ELFN2: variants seen among roughly 807,000 people sequenced by gnomAD.
ELFN2 encodes the protein extracellular leucine rich repeat and fibronectin type III domain containing 2.
ELFN2 carries 17 observed loss-of-function variants against 45.5 expected under a neutral mutation model. That is an observed-to-expected ratio of 0.37 (90% confidence interval 0.26 to 0.56). The LOEUF (loss-of-function observed/expected upper bound fraction) is 0.56, where lower values mean the gene tolerates loss of function less well. Ranked by LOEUF, ELFN2 falls within the 20% of genes least tolerant of loss-of-function variation. The probability of loss-of-function intolerance (pLI) is 0.77; values close to 1 mark genes in which losing one functional copy is unlikely to be tolerated. For missense variants in ELFN2, 922 were observed against 1,183.2 expected, an observed-to-expected ratio of 0.78 and a Z score of 3.24; for synonymous variants, 550 against 551.5, an observed-to-expected ratio of 1.00 and a Z score of 0.04.
intron 2 of ELFN2, among the ~76,000 whole-genome samples, chr22:37,412,277 C>CAAAA (rs56073200): frequency 2.2e-4 from 20 of 92,204 alleles, no homozygotes; most frequent in African/African-American, 8.3e-4. Flanking sequence ...AACTCCGTCT[C>CAAAA]AAAAAAAAAA....
intron 2 of ELFN2, among the ~76,000 whole-genome samples, chr22:37,402,534 C>T (rs1932388864): frequency 6.6e-6 from 1 of 152,186 alleles, no homozygotes; most frequent in East Asian, 1.9e-4. Flanking sequence ...ATCACTAGGC[C>T]CAGCTGACCG....
At chr22:37,395,116 A>AATAT (rs1471001232) in intron 2 of ELFN2, among the ~76,000 whole-genome samples, 2 of 136,658 alleles carry the variant, frequency 1.5e-5, no homozygotes, top group Non-Finnish European at 3.0e-5. Context: ...AAAATAAATA[A>AATAT]ATAAATAAAT....
intron 1 of ELFN2, among the ~76,000 whole-genome samples, chr22:37,419,250 G>C (rs898752344): frequency 2.6e-5 from 4 of 151,850 alleles, no homozygotes; most frequent in African/African-American, 7.3e-5. Flanking sequence ...AAGGCTCCCA[G>C]GCCTAGCTGG....
chr22:37,397,249 CCT>C, intron 2 of ELFN2, among the ~76,000 whole-genome samples: 1 of 152,314 alleles, frequency 6.6e-6, no homozygotes. Context: ...ACGGCGTGCC[CCT>C]CTGTGCCCCC....
Position 37,349,480 on chromosome 22 carries a change from T to A in ELFN2, n.149-6777A>T, listed in dbSNP as rs149066592. Among the ~76,000 whole-genome samples, 52 of 151,284 alleles carry A rather than the reference T, an allele frequency of 3.4e-4. 3 individuals carry two copies. The East Asian group carries it at 0.01, about 29-fold the overall frequency. ...CCCAGGGGCCCTGCCCACACCCACC[T>A]CCAGCGTCTGCTCCCTCCTACAGCC... On this transcript the variant is annotated intron_variant and non_coding_transcript_variant, in intron 1 of 2. Transcript: ENST00000452946.
At chr22:37,420,079 CG>C (rs1327472508) in intron 1 of ELFN2, among the ~76,000 whole-genome samples, 2 of 152,024 alleles carry the variant, frequency 1.3e-5, no homozygotes, top group Non-Finnish European at 2.9e-5. Context: ...CGGAGGCTGG[CG>C]GGGTGGGCCG....
intron 1 of ELFN2, 35 bp downstream of exon 1, chr22:37,427,261 TCG>T (rs1932860053): frequency 6.6e-6 from 1 of 151,836 alleles, no homozygotes; most frequent in Non-Finnish European, 1.5e-5. Flanking sequence ...CCCCGGTCGG[TCG>T]GTCGCGGCGC....
At chr22:37,400,146 G>A (rs746828125) in intron 2 of ELFN2, among the ~76,000 whole-genome samples, 4 of 152,150 alleles carry the variant, frequency 2.6e-5, no homozygotes, top group South Asian at 2.1e-4. Flanking sequence ...AAGGAAAGGC[G>A]GGGTTATTAT....
chr22:37,346,343 C>T (rs1015315503), intron 1 of ELFN2, among the ~76,000 whole-genome samples: 3 of 152,236 alleles, frequency 2.0e-5, no homozygotes, highest in Admixed American at 6.5e-5. Flanking sequence ...CAGGTTCCCC[C>T]GCCCCAGAGT....
intron 2 of ELFN2, among the ~76,000 whole-genome samples, chr22:37,394,577 C>T (rs1461250489): frequency 2.6e-5 from 4 of 152,338 alleles, no homozygotes; most frequent in South Asian, 2.1e-4. Context: ...TGGCCAGCAC[C>T]GTGAGTCCTC....
At position 37,372,799 on chromosome 22, in the gene ELFN2, G is replaced by A. The variant is rs1931409690; in HGVS notation, c.*273C>T. 1 of 405,194 alleles carries A rather than the reference G, an allele frequency of 2.5e-6. No individual in the cohort carries two copies. Among genetic ancestry groups the A allele is most frequent in the East Asian group, 4.8e-5 (1 of 20,770 alleles). The allele number at this position is 405,194 out of a possible 1,614,324, so 25.1% of individuals were successfully genotyped here. A position where few individuals can be genotyped will look rare whatever the true frequency, so the allele number is the denominator to read the frequency against. Reference sequence around the variant, plus strand: ...CCCTGCACACCCCAGCAGAGTCCCTGGGCAGCACAGTAAAGACGACTGGTT... The same window carrying A: ...CCCTGCACACCCCAGCAGAGTCCCTAGGCAGCACAGTAAAGACGACTGGTT... On this transcript the variant is annotated 3_prime_UTR_variant, in exon 3 of 3. Coordinates refer to ENST00000402918, the MANE Select transcript of ELFN2 (RefSeq NM_052906.5). This position sits in a 1 kb window ranked among gnomAD's most constrained non-coding sequence, Gnocchi z 4.4.
chr22:37,397,638 G>A (rs962661275), intron 2 of ELFN2, among the ~76,000 whole-genome samples: 1 of 152,222 alleles, frequency 6.6e-6, no homozygotes, highest in Non-Finnish European at 1.5e-5. Context: ...GGAGCCCCGC[G>A]TGACCTTCTT....
intron 1 of ELFN2, among the ~76,000 whole-genome samples, chr22:37,350,480 C>G (rs1183516916): frequency 6.6e-6 from 1 of 150,502 alleles, no homozygotes; most frequent in Non-Finnish European, 1.5e-5. Context: ...CTCAGGCCCA[C>G]TACTGATCCC....
intron 2 of ELFN2, among the ~76,000 whole-genome samples, chr22:37,402,796 G>C (rs1316798207): frequency 6.6e-6 from 1 of 152,194 alleles, no homozygotes. Flanking sequence ...CCAGGCAGGA[G>C]GCTGAGCAGA....
Position 37,347,007 on chromosome 22 carries a change from T to C in ELFN2, n.149-4304A>G, listed in dbSNP as rs572794233. ...TTATTTTTTTTTTTGAGATGGAGTT[T>C]TACTCCTGCTGCCCAGGCTGGAGTG... On this transcript the variant is annotated intron_variant and non_coding_transcript_variant, in intron 1 of 2. Coordinates refer to ENST00000452946, the Ensembl canonical transcript of ELFN2. Among the ~76,000 whole-genome samples, 113 of 152,120 alleles carry C rather than the reference T, an allele frequency of 7.4e-4. 1 individual carries two copies. The South Asian group carries it at 0.01, about 14-fold the overall frequency.
chr22:37,385,378 TG>T (rs1931921424), intron 2 of ELFN2: 1 of 152,260 alleles, frequency 6.6e-6, no homozygotes, highest in Non-Finnish European at 1.5e-5. Context: ...AGAGCTGCTG[TG>T]GGATCCTGTT....
intron 2 of ELFN2, among the ~76,000 whole-genome samples, chr22:37,386,427 G>A (rs1398895004): frequency 1.3e-5 from 2 of 152,172 alleles, no homozygotes; most frequent in South Asian, 2.1e-4. Context: ...TCTAGGCCCA[G>A]GCTGAGAAAC....
chr22:37,387,169 C>T (rs897750919), intron 2 of ELFN2, among the ~76,000 whole-genome samples: 9 of 152,212 alleles, frequency 5.9e-5, no homozygotes, highest in Non-Finnish European at 8.8e-5. Context: ...ACACACCCCT[C>T]TTTGCCTCTG....
chr22:37,375,770 C>A lies in ELFN2; in HGVS notation c.-236G>T. 1 of 568,164 alleles carries A rather than the reference C, an allele frequency of 1.8e-6. No individual in the cohort carries two copies. The allele number at this position is 568,164 out of a possible 1,614,324, so 35.2% of individuals were successfully genotyped here. ...GGTGGGGGCCCCACAGCCTGCTCCC[C>A]ACCGCAGCGTTGCTCCTTGTCTCCT... On this transcript the variant is annotated 5_prime_UTR_variant, in exon 3 of 3. Transcript: ENST00000402918.
Sources: allele counts gnomAD v4.1 joint callset (sites outside exome capture counted in the v4.1 genomes callset), GRCh38; gene constraint gnomAD v4.1.1; non-coding constraint Gnocchi (gnomAD v3.1); transcripts MANE v1.5; gene names NCBI Gene and HGNC (gene_info 2026-07-23, HGNC 2026-07-21).